KCNQ1: variants seen among roughly 807,000 people sequenced by gnomAD.
The protein encoded by KCNQ1 is potassium voltage-gated channel subfamily Q member 1.
A neutral mutation model predicts 72.4 loss-of-function variants in KCNQ1; 49 were observed. The observed-to-expected ratio is 0.68, with a 90% CI of 0.54 to 0.86. The LOEUF is 0.86. Ranked by LOEUF, KCNQ1 falls within the 40% of genes least tolerant of loss-of-function variation. The pLI is 0.00. For synonymous variants in KCNQ1, 450 were observed against 412.6 expected, an observed-to-expected ratio of 1.09 and a Z score of -1.10; for missense variants, 790 against 945.1, an observed-to-expected ratio of 0.84 and a Z score of 2.15.
At chr11:2,796,898 C>A (rs1051488531) in intron 15 of KCNQ1, among the ~76,000 whole-genome samples, 1 of 152,216 alleles carries the variant, frequency 6.6e-6, no homozygotes, top group Admixed American at 6.5e-5. Flanking sequence ...CAATAAAGGC[C>A]GCCTTTATCC....
chr11:2,848,754 C>T lies in KCNQ1; in HGVS notation c.*751C>T, dbSNP rs1848396083. ...TGTGCGTGGGGCTCCCGCCTCCAAC[C>T]CCTCGCCCAGTCCCAGCAGCCAGCC... On this transcript the variant is annotated 3_prime_UTR_variant, in exon 16 of 16. Transcript: ENST00000155840. 2.2e-6 allele frequency: 1 copy of T among 454,114 alleles called. No individual in the cohort carries two copies. The highest frequency in any genetic ancestry group is 4.4e-6 in the Non-Finnish European group (1 of 226,766). The allele number at this position is 454,114 out of a possible 1,614,324, so 28.1% of individuals were successfully genotyped here.
At chr11:2,656,742 C>G (rs991059473) in intron 10 of KCNQ1, 3 of 398,342 alleles carry the variant, frequency 7.5e-6, no homozygotes, top group Non-Finnish European at 1.3e-5. Flanking sequence ...ATTACTCAGT[C>G]TTCTCTCTCA....
intron 10 of KCNQ1, chr11:2,625,285 C>G (rs950096516): frequency 8.5e-5 from 34 of 398,560 alleles, no homozygotes; most frequent in African/African-American, 5.3e-4. Context: ...AGATCTGGCT[C>G]TGTCACTTAG....
chr11:2,808,224 C>T lies in KCNQ1; in HGVS notation c.1794+30187C>T, dbSNP rs1847418035. ...GAGGGTGAACCCATCCAGGCTGGCCCGCCTTCCAGCCCTCCCCCAGCACCC... is the reference window on the plus strand; with the variant it reads ...GAGGGTGAACCCATCCAGGCTGGCCTGCCTTCCAGCCCTCCCCCAGCACCC... On this transcript the variant is annotated intron_variant, in intron 15 of 15. Coordinates refer to ENST00000155840, the MANE Select transcript of KCNQ1 (RefSeq NM_000218.3). This position sits in a 1 kb window ranked among gnomAD's most constrained non-coding sequence, Gnocchi z 6.0. 6.6e-6 allele frequency among the ~76,000 whole-genome samples: 1 copy of T among 152,218 alleles called. No individual in the cohort carries two copies. The highest frequency in any genetic ancestry group is 2.4e-5 in the African/African-American group (1 of 41,462).
intron 1 of KCNQ1, among the ~76,000 whole-genome samples, chr11:2,455,670 A>G (rs1393647412): frequency 6.6e-6 from 1 of 152,254 alleles, no homozygotes; most frequent in Non-Finnish European, 1.5e-5. Flanking sequence ...TGCTATTCCT[A>G]TCAAACTACC....
rs1408563860 is a variant in KCNQ1 at position 2,734,484 on chromosome 11, T to G, written c.1515-34360T>G. On this transcript the variant is annotated intron_variant, in intron 11 of 15. Transcript: ENST00000155840. The surrounding 1 kb of genome is among the most constrained non-coding windows in gnomAD (Gnocchi z 7.0). ...CAAGGCAGGACGGGATCCTTGGTGA[T>G]GGGCAGAATGTGGGGAGCAGGGTAG... Among the ~76,000 whole-genome samples, 1 of 152,096 alleles carries G rather than the reference T, an allele frequency of 6.6e-6. No homozygotes were observed. The highest frequency in any genetic ancestry group is 1.5e-5 in the Non-Finnish European group (1 of 67,990).
Position 2,645,378 on chromosome 11 carries a change from G to A in KCNQ1, c.1394-16583G>A, listed in dbSNP as rs753994455. 6.8e-5 allele frequency: 27 copies of A among 398,704 alleles called. No individual in the cohort carries two copies. Among genetic ancestry groups the A allele is most frequent in the Non-Finnish European group, 1.1e-4 (25 of 226,264 alleles). The allele number at this position is 398,704 out of a possible 1,614,324, so 24.7% of individuals were successfully genotyped here. On this transcript the variant is annotated intron_variant, in intron 10 of 15. Coordinates refer to ENST00000155840, the MANE Select transcript of KCNQ1 (RefSeq NM_000218.3). The surrounding 1 kb of genome is among the most constrained non-coding windows in gnomAD (Gnocchi z 5.8). ...TATGCGCTGGCACTGGGAGAAAAGA[G>A]GGTGGGACCAGGCCAGGTGGGCCTG...
chr11:2,717,358 C>T (rs1851110679), intron 11 of KCNQ1, among the ~76,000 whole-genome samples: 1 of 152,182 alleles, frequency 6.6e-6, no homozygotes, highest in African/African-American at 2.4e-5. Context: ...GATCGCAGCC[C>T]ACACCTCTGC....
rs1041601485 is a variant in KCNQ1, at chr11:2,682,787, C to T, written c.1514+20706C>T. 7.5e-6 allele frequency: 3 copies of T among 398,656 alleles called. No individual in the cohort carries two copies. Among genetic ancestry groups the T allele is most frequent in the Non-Finnish European group, 8.8e-6 (2 of 226,096 alleles). 24.7% of individuals were successfully genotyped at this position (398,656 alleles called of 1,614,324 possible). ...CTAGAAATGCAGGGAAATCTGGGCA[C>T]CATGAAATGCAGTGACTTGCAGTGA... is the stretch of plus-strand genomic sequence containing the variant. On this transcript the variant is annotated intron_variant, in intron 11 of 15. Coordinates refer to ENST00000155840, the MANE Select transcript of KCNQ1 (RefSeq NM_000218.3). The surrounding 1 kb of genome is among the most constrained non-coding windows in gnomAD (Gnocchi z 5.8).
chr11:2,847,617 G>A, intron 15 of KCNQ1, 150 bp from the exon 16 acceptor site: 1 of 706,472 alleles, frequency 1.4e-6, no homozygotes, highest in South Asian at 1.7e-5. Flanking sequence ...CAGACATAGG[G>A]TGCACACGTG....
At chr11:2,553,596 C>G (rs1004898124) in intron 2 of KCNQ1, among the ~76,000 whole-genome samples, 1 of 152,196 alleles carries the variant, frequency 6.6e-6, no homozygotes, top group Non-Finnish European at 1.5e-5. Flanking sequence ...CACTGATTGA[C>G]TTTCAAATAG....
chr11:2,615,431 A>C (rs551678211), intron 10 of KCNQ1: 7 of 398,038 alleles, frequency 1.8e-5, no homozygotes, highest in African/African-American at 1.4e-4. Context: ...TAAAACTTTC[A>C]GTACATTGTT....
chr11:2,608,450 G>A lies in KCNQ1; in HGVS notation c.1393+19596G>A, dbSNP rs1479700967. ...AATCCTTTTTATTTCTGTCAGGTTG[G>A]TAGTATACTTCCCTCATTCATTCCT... On this transcript the variant is annotated intron_variant, in intron 10 of 15. Coordinates refer to ENST00000155840, the MANE Select transcript of KCNQ1 (RefSeq NM_000218.3). The surrounding 1 kb of genome is among the most constrained non-coding windows in gnomAD (Gnocchi z 4.6). The A allele has an allele frequency of 7.5e-6, 3 of 398,232 alleles. No homozygotes were observed. Among genetic ancestry groups the A allele is most frequent in the South Asian group, 1.3e-4 (1 of 7,856 alleles). The allele number at this position is 398,232 out of a possible 1,614,324, so 24.7% of individuals were successfully genotyped here.
In KCNQ1 at chr11:2,720,315, G is replaced by A. The variant is rs928587535; in HGVS notation, c.1515-48529G>A. 3.3e-5 allele frequency among the ~76,000 whole-genome samples: 5 copies of A among 152,288 alleles called. No homozygotes were observed. The highest frequency in any genetic ancestry group is 7.2e-5 in the African/African-American group (3 of 41,564). ...TGGCAGCTCTCCTCATCCATCCTAT[G>A]TGTACACTCAGGCACGTACTCCCTG... On this transcript the variant is annotated intron_variant, in intron 11 of 15. Coordinates refer to ENST00000155840, the MANE Select transcript of KCNQ1 (RefSeq NM_000218.3). This position sits in a 1 kb window ranked among gnomAD's most constrained non-coding sequence, Gnocchi z 5.1.
intron 11 of KCNQ1, among the ~76,000 whole-genome samples, chr11:2,755,992 C>T (rs1408693522): frequency 6.6e-6 from 1 of 152,186 alleles, no homozygotes; most frequent in Non-Finnish European, 1.5e-5. Flanking sequence ...AAACCATTTA[C>T]ACCACTCCAT....
rs951307954 is a variant in KCNQ1, at chr11:2,834,248, T to A, written c.1795-13519T>A. Reference sequence around the variant, plus strand: ...TGGAGTGGCAAGGTGCGTGACATGGTGTATGGCATGGTAGTGTGCCCCTCG... The same window carrying A: ...TGGAGTGGCAAGGTGCGTGACATGGAGTATGGCATGGTAGTGTGCCCCTCG... On this transcript the variant is annotated intron_variant, in intron 15 of 15. Coordinates refer to ENST00000155840, the MANE Select transcript of KCNQ1 (RefSeq NM_000218.3). Among the ~76,000 whole-genome samples the A allele has an allele frequency of 1.4e-4, 21 of 151,754 alleles. 1 individual carries two copies. Among genetic ancestry groups the A allele is most frequent in the African/African-American group, 4.6e-4 (19 of 41,310 alleles).
At chr11:2,466,212 G>T (rs1846349562) in intron 1 of KCNQ1, among the ~76,000 whole-genome samples, 1 of 152,156 alleles carries the variant, frequency 6.6e-6, no homozygotes, top group African/African-American at 2.4e-5. Context: ...TGGCCCAGCT[G>T]CCCCATTTTG....
intron 6 of KCNQ1, among the ~76,000 whole-genome samples, chr11:2,581,747 G>A (rs1445730427): frequency 2.0e-5 from 3 of 152,260 alleles, no homozygotes; most frequent in African/African-American, 7.2e-5. Context: ...ACAGACACGT[G>A]CACGTGTGGA....
At chr11:2,666,698 A>G (rs908480723) in intron 11 of KCNQ1, 50 of 398,546 alleles carry the variant, frequency 1.3e-4, no homozygotes, top group Non-Finnish European at 2.1e-4. Flanking sequence ...CATTTTGGAG[A>G]CATCCAGGTC....
Sources: gnomAD v4.1 joint callset for allele counts (sites outside exome capture counted in the v4.1 genomes callset) on GRCh38, gnomAD v4.1.1 for gene constraint, Gnocchi (gnomAD v3.1) non-coding constraint, MANE v1.5 for transcripts, NCBI Gene and HGNC (gene_info 2026-07-23, HGNC 2026-07-21) for gene names.